SUGCT: variants seen among roughly 807,000 people sequenced by gnomAD.
SUGCT encodes the protein succinyl-CoA:glutarate-CoA transferase.
Under a neutral mutation model 55.0 loss-of-function variants are expected in SUGCT, and 41 were observed. The observed-to-expected ratio is 0.74, with a 90% CI of 0.58 to 0.97. The LOEUF is 0.97. SUGCT is among the 50% of genes least tolerant of loss of function. The probability of loss-of-function intolerance (pLI) is 0.00; values close to 1 mark genes in which losing one functional copy is unlikely to be tolerated. For missense variants in SUGCT, 568 were observed against 547.8 expected, an observed-to-expected ratio of 1.04 and a Z score of -0.37; for synonymous variants, 187 against 200.4, an observed-to-expected ratio of 0.93 and a Z score of 0.56.
At chr7:40,722,816 A>G (rs1428657803) in intron 12 of SUGCT, among the ~76,000 whole-genome samples, 3 of 152,072 alleles carry the variant, frequency 2.0e-5, no homozygotes, top group Admixed American at 6.5e-5. Flanking sequence ...AAGTATTTCT[A>G]TTTTCTTGGT....
At chr7:40,638,821 G>C (rs1252414655) in intron 12 of SUGCT, among the ~76,000 whole-genome samples, 1 of 152,068 alleles carries the variant, frequency 6.6e-6, no homozygotes, top group Non-Finnish European at 1.5e-5. Flanking sequence ...GGAGTAATAG[G>C]GTACGTCAGA....
At chr7:40,746,382 T>C (rs780633705) in intron 12 of SUGCT, among the ~76,000 whole-genome samples, 3 of 152,124 alleles carry the variant, frequency 2.0e-5, no homozygotes, top group African/African-American at 7.2e-5. Flanking sequence ...TGGAATTGTA[T>C]GGACTTCACA....
chr7:40,997,785 A>G, the SUGCT span, among the ~76,000 whole-genome samples: 1 of 152,144 alleles, frequency 6.6e-6, no homozygotes, highest in Admixed American at 6.5e-5. Context: ...TTGGAACACA[A>G]TAGGTATTCA....
chr7:40,869,989 C>G, the SUGCT span, among the ~76,000 whole-genome samples: 2 of 152,128 alleles, frequency 1.3e-5, no homozygotes, highest in African/African-American at 4.8e-5. Flanking sequence ...GTTAAGGCGG[C>G]ATCTTACAAG....
chr7:40,379,593 T>G (rs10259706), intron 9 of SUGCT, among the ~76,000 whole-genome samples: 39,405 of 152,118 alleles, frequency 0.26, 6,134 homozygotes, highest in Non-Finnish European at 0.36. Context: ...TTGTTGTATG[T>G]GACCACTGAG....
intron 1 of SUGCT, among the ~76,000 whole-genome samples, chr7:40,173,241 C>A (rs1167730585): frequency 1.3e-5 from 2 of 152,322 alleles, no homozygotes; most frequent in East Asian, 3.9e-4. Context: ...AGGCACTTAG[C>A]TATGCAGGAA....
chr7:40,527,901 A>C (rs1039562348), intron 12 of SUGCT, among the ~76,000 whole-genome samples: 5 of 152,216 alleles, frequency 3.3e-5, no homozygotes, highest in African/African-American at 4.8e-5. Flanking sequence ...CAAAGATAGC[A>C]GAGGCTTTTA....
At chr7:40,913,073 C>T in the SUGCT span, among the ~76,000 whole-genome samples, 57 of 147,034 alleles carry the variant, frequency 3.9e-4, no homozygotes, top group Non-Finnish European at 6.5e-4. Context: ...TGCAGTGGCG[C>T]GATCTTGGCT....
intron 9 of SUGCT, among the ~76,000 whole-genome samples, chr7:40,341,936 T>A (rs758434597): frequency 1.3e-5 from 2 of 152,200 alleles, no homozygotes; most frequent in Non-Finnish European, 2.9e-5. Context: ...AGGACCTGGT[T>A]TCAGATCCTG....
chr7:40,492,899 C>G (rs1271779237), intron 11 of SUGCT, among the ~76,000 whole-genome samples: 1 of 152,084 alleles, frequency 6.6e-6, no homozygotes, highest in African/African-American at 2.4e-5. Flanking sequence ...CAGGGACGGT[C>G]TTTTTTATTG....
chr7:40,740,605 G>T (rs1484371445), intron 12 of SUGCT, among the ~76,000 whole-genome samples: 1 of 149,532 alleles, frequency 6.7e-6, no homozygotes, highest in East Asian at 2.0e-4. Context: ...TTCAATCTTA[G>T]AGGAAAAGCA....
intron 13 of SUGCT, among the ~76,000 whole-genome samples, chr7:40,772,535 TATC>T (rs1789184358): frequency 6.6e-6 from 1 of 151,294 alleles, no homozygotes; most frequent in Admixed American, 6.6e-5. Context: ...TCTATCTATC[TATC>T]TATCTATCTA....
At chr7:40,565,890 C>T (rs1796104831) in intron 12 of SUGCT, among the ~76,000 whole-genome samples, 1 of 151,950 alleles carries the variant, frequency 6.6e-6, no homozygotes, top group Admixed American at 6.6e-5. Flanking sequence ...GCTCAAATGT[C>T]ACCTCAACAG....
chr7:40,268,384 G>A (rs1268825666), intron 7 of SUGCT, among the ~76,000 whole-genome samples: 1 of 152,112 alleles, frequency 6.6e-6, no homozygotes, highest in East Asian at 1.9e-4. Context: ...CTCTCACTTA[G>A]CATAATATTT....
intron 9 of SUGCT, among the ~76,000 whole-genome samples, chr7:40,429,685 A>G (rs1297871146): frequency 6.6e-6 from 1 of 152,154 alleles, no homozygotes; most frequent in African/African-American, 2.4e-5. Flanking sequence ...AGCTGATTAG[A>G]TGGTGCACAC....
chr7:40,886,668 C>T, the SUGCT span, among the ~76,000 whole-genome samples: 1 of 152,168 alleles, frequency 6.6e-6, no homozygotes, highest in Admixed American at 6.5e-5. Flanking sequence ...GCGATGCCTC[C>T]ATAGTGGTCA....
chr7:41,007,876 C>T, the SUGCT span, among the ~76,000 whole-genome samples: 15 of 140,782 alleles, frequency 1.1e-4, no homozygotes, highest in Non-Finnish European at 1.5e-4. Context: ...TTTTTTAAAT[C>T]GTTGTGTTCA....
intron 1 of SUGCT, among the ~76,000 whole-genome samples, chr7:40,147,867 T>C (rs1377882219): frequency 6.6e-6 from 1 of 152,240 alleles, no homozygotes; most frequent in Non-Finnish European, 1.5e-5. Flanking sequence ...CACTCGAATA[T>C]AAAATTTTCT....
chr7:40,255,292 C>A (rs943410191), intron 7 of SUGCT, among the ~76,000 whole-genome samples: 1 of 150,040 alleles, frequency 6.7e-6, no homozygotes, highest in African/African-American at 2.4e-5. Flanking sequence ...CCATAAATTG[C>A]AAGAGAAAAG....
Sources: gnomAD v4.1 joint callset for allele counts (sites outside exome capture counted in the v4.1 genomes callset) on GRCh38, gnomAD v4.1.1 for gene constraint, MANE v1.5 for transcripts, NCBI Gene and HGNC (gene_info 2026-07-23, HGNC 2026-07-21) for gene names.